Variants in ANGPTL7 observed in about 807,000 individuals in gnomAD.
ANGPTL7 encodes the protein angiopoietin-related protein 7.
In ANGPTL7, 37 loss-of-function variants were observed where a neutral mutation model predicts 38.8. The ratio of observed to expected loss-of-function variants is 0.95; its 90% CI spans 0.73 to 1.25. The LOEUF is 1.25. Among genes scored for constraint, ANGPTL7 ranks in the 50% most tolerant of loss-of-function variants. The pLI is 0.00. For synonymous variants in ANGPTL7, 166 were observed against 163.2 expected, an observed-to-expected ratio of 1.02 and a Z score of -0.13; for missense variants, 427 against 438.6, an observed-to-expected ratio of 0.97 and a Z score of 0.24.
chr1:11,190,445 C>G (rs561183721), intron 1 of ANGPTL7, among the ~76,000 whole-genome samples: 8 of 152,308 alleles, frequency 5.3e-5, no homozygotes, highest in African/African-American at 1.7e-4. Flanking sequence ...AAACGTAACT[C>G]TTCTCATTGG....
At position 11,189,392 on chromosome 1, in the gene ANGPTL7, C is replaced by T. The variant is rs1645431838; in HGVS notation, c.-188C>T. 1.4e-6 allele frequency: 1 copy of T among 708,826 alleles called. No individual in the cohort carries two copies. Among genetic ancestry groups the T allele is most frequent in the Admixed American group, 2.7e-5 (1 of 36,886 alleles). The allele number at this position is 708,826 out of a possible 1,614,324, so 43.9% of individuals were successfully genotyped here. A position where few individuals can be genotyped will look rare whatever the true frequency, so the allele number is the denominator to read the frequency against. On this transcript the variant is annotated 5_prime_UTR_variant, in exon 1 of 5. Transcript: ENST00000376819. ...AAAGCTATAGGCTACCCATTCAGCT[C>T]CCCTGTCAGAGACTCAAGCTTTGAG...
In ANGPTL7 at chr1:11,189,597, C is replaced by G; in HGVS notation, c.18C>G (p.Leu6=). 6.2e-7 allele frequency: 1 copy of G among 1,609,432 alleles called. No homozygotes were observed. The highest frequency in any genetic ancestry group is 8.5e-7 in the Non-Finnish European group (1 of 1,177,736). ...CACAAAAGATGCTGAAAAAGCCTCT[C>G]TCAGCTGTGACCTGGCTCTGCATTT... MLKKP[L]SAVTWLCIFI... is the part of the protein sequence containing the mutation. The change falls in exon 1 of 5, where the codon CTC becomes CTG. Residue 6 remains leucine (L), a synonymous_variant. Coordinates refer to ENST00000376819, the MANE Select transcript of ANGPTL7 (RefSeq NM_021146.4).
rs1424685117 is a variant in ANGPTL7 at position 11,189,518 on chromosome 1, C to A, written c.-62C>A. On this transcript the variant is annotated 5_prime_UTR_variant, in exon 1 of 5. Coordinates refer to ENST00000376819, the MANE Select transcript of ANGPTL7 (RefSeq NM_021146.4). ...GTCAGCCTGCTGCAGCTTTGCAGAC[C>A]TCAGCTGGGCATCTCCAGACTCCCC... 1 of 1,522,420 alleles carries A rather than the reference C, an allele frequency of 6.6e-7. No individual in the cohort carries two copies. The highest frequency in any genetic ancestry group is 2.3e-5 in the East Asian group (1 of 44,250). 94.3% of individuals were successfully genotyped at this position (1,522,420 alleles called of 1,614,324 possible).
chr1:11,189,749 C>T lies in ANGPTL7; in HGVS notation c.170C>T (p.Ala57Val). Residue 57 changes from alanine (A) to valine (V), a missense_variant, in exon 1 of 5, where the codon GCC becomes GTC. By Grantham distance (64) the Ala-to-Val change is moderately conservative (BLOSUM62 0). Transcript: ENST00000376819. ...GTGAAGGAGCTCAAGGCCCAAGTTG[C>T]CAACCTTAGCAGCCTGCTGAGTGAA... is the stretch of plus-strand genomic sequence containing the variant. ...EEVKELKAQVANLSSLLSELN... is the reference protein window; with the variant it reads ...EEVKELKAQVVNLSSLLSELN... The T allele has an allele frequency of 6.2e-7, 1 of 1,614,126 alleles. No individual in the cohort carries two copies.
At chr1:11,190,330 T>A (rs370087016) in intron 1 of ANGPTL7, among the ~76,000 whole-genome samples, 38 of 152,322 alleles carry the variant, frequency 2.5e-4, no homozygotes, top group Middle Eastern at 3.4e-3. Context: ...CACCAAACTG[T>A]AACAGCTGTT....
At chr1:11,190,087 T>C (rs947482341) in intron 1 of ANGPTL7, 132 bp downstream of exon 1, 3 of 1,084,302 alleles carry the variant, frequency 2.8e-6, no homozygotes, top group Non-Finnish European at 2.6e-6. Flanking sequence ...TAAAGGCTTA[T>C]GCAGTATTTC....
Position 11,194,496 on chromosome 1 carries a change from C to T in ANGPTL7, c.708C>T (p.Ser236=). Residue 236 remains serine, a synonymous_variant, in exon 4 of 5, where the codon AGC becomes AGT. Transcript: ENST00000376819. The part of the protein sequence containing the change: ...WEGNLRYAEY[S]HFVLGNELNS... The stretch of plus-strand genomic sequence containing the variant: ...GCAACCTGCGCTACGCTGAGTATAG[C>T]CACTTTGTTTTGGGCAATGAACTCA... 1.9e-6 allele frequency: 3 copies of T among 1,614,170 alleles called. No homozygotes were observed. The highest frequency in any genetic ancestry group is 2.5e-6 in the Non-Finnish European group (3 of 1,180,030).
At chr1:11,192,748 T>TA (rs56996673) in intron 2 of ANGPTL7, among the ~76,000 whole-genome samples, 1,837 of 119,212 alleles carry the variant, frequency 0.015, 32 homozygotes, top group African/African-American at 0.037. Flanking sequence ...CCATTTCAAT[T>TA]AAAAAAAAAA....
Position 11,189,557 on chromosome 1 carries a change from T to C in ANGPTL7, c.-23T>C. ...TCCAGACTCCCCTGAAGGAAGAGCC[T>C]TCCTCACCCAAACCCACAAAAGATG... On this transcript the variant is annotated 5_prime_UTR_variant, in exon 1 of 5. Transcript: ENST00000376819. The C allele has an allele frequency of 1.9e-6, 3 of 1,568,134 alleles. No homozygotes were observed. Among genetic ancestry groups the C allele is most frequent in the Non-Finnish European group, 2.6e-6 (3 of 1,159,148 alleles).
rs757447081 is a variant in ANGPTL7, at chr1:11,194,653, C to T, written c.865C>T (p.Arg289Cys). 4.3e-5 allele frequency: 70 copies of T among 1,614,034 alleles called. No individual in the cohort carries two copies. The highest frequency in any genetic ancestry group is 5.0e-5 in the Non-Finnish European group (59 of 1,180,040). The change falls in exon 4 of 5, where the codon CGC becomes TGC. Residue 289 changes from arginine to cysteine, a missense_variant. Transcript: ENST00000376819. ...CTGCTTGGACAAGTGTGCACAGCTC[C>T]GCAAAGGTGAGATTTGGGGGGACCG... ...DNCLDKCAQL[R>C]KGGYWYNCCT...
chr1:11,193,814 C>A (rs1321276209), intron 3 of ANGPTL7, 40 bp downstream of exon 3: 1 of 1,602,758 alleles, frequency 6.2e-7, no homozygotes, highest in South Asian at 1.1e-5. Context: ...GGACCAGTGC[C>A]ACCACACATG....
intron 3 of ANGPTL7, 54 bp from the exon 4 acceptor site, chr1:11,194,405 GAC>G: frequency 6.5e-7 from 1 of 1,547,110 alleles, no homozygotes; most frequent in Non-Finnish European, 8.9e-7. Context: ...GGGGTATAGA[GAC>G]AGCATGAAAT....
intron 3 of ANGPTL7, 144 bp downstream of exon 3, chr1:11,193,918 T>C (rs1206038465): frequency 3.1e-6 from 3 of 977,520 alleles, no homozygotes; most frequent in Non-Finnish European, 4.4e-6. Flanking sequence ...GTAATGGAGT[T>C]GAGGAAAAAT....
chr1:11,194,962 G>C lies in ANGPTL7; in HGVS notation c.980G>C (p.Gly327Ala), dbSNP rs1446667305. 4 of 1,613,954 alleles carry C rather than the reference G, an allele frequency of 2.5e-6. No individual in the cohort carries two copies. Among genetic ancestry groups the C allele is most frequent in the Admixed American group, 1.7e-5 (1 of 59,994 alleles). ...GGCATCACCTGGTATGGCTGGCATG[G>C]ATCTACCTACTCCCTCAAACGGGTG... is the stretch of plus-strand genomic sequence containing the variant. ...LDGITWYGWH[G>A]STYSLKRVEM... Residue 327 changes from glycine (G) to alanine (A), a missense_variant, in exon 5 of 5, where the codon GGA becomes GCA. By Grantham distance (60) the Gly-to-Ala change is moderately conservative. Coordinates refer to ENST00000376819, the MANE Select transcript of ANGPTL7 (RefSeq NM_021146.4).
intron 2 of ANGPTL7, among the ~76,000 whole-genome samples, 186 bp from the exon 3 acceptor site, chr1:11,193,394 G>T (rs1353311580): frequency 1.3e-5 from 2 of 152,124 alleles, no homozygotes; most frequent in Non-Finnish European, 2.9e-5. Flanking sequence ...TTCTTCCAGA[G>T]CAATGCACCA....
intron 2 of ANGPTL7, among the ~76,000 whole-genome samples, chr1:11,192,599 T>C (rs879868647): frequency 2.0e-5 from 3 of 151,454 alleles, no homozygotes; most frequent in Admixed American, 2.0e-4. Flanking sequence ...CTACTAAAAA[T>C]ACAAAAAAAT....
Position 11,189,997 on chromosome 1 carries a change from C to T in ANGPTL7, c.376+42C>T, listed in dbSNP as rs530619225. ...CCTGAGGGAGCGTGGAGTGCCTCCC[C>T]ATCTACAGCACTGCTTCTACATATC... On this transcript the variant is annotated intron_variant, in intron 1 of 4. Transcript: ENST00000376819. 308 of 1,563,790 alleles carry T rather than the reference C, an allele frequency of 2.0e-4. 4 individuals carry two copies. The South Asian group carries it at 3.4e-3, about 17-fold the overall frequency.
rs1371941343 is a variant in ANGPTL7, at chr1:11,194,496, C to A, written c.708C>A (p.Ser236Arg). 3.7e-6 allele frequency: 6 copies of A among 1,614,170 alleles called. No homozygotes were observed. The East Asian group carries it at 1.1e-4, about 30-fold the overall frequency. Reference sequence around the variant, plus strand: ...GCAACCTGCGCTACGCTGAGTATAGCCACTTTGTTTTGGGCAATGAACTCA... The same window carrying A: ...GCAACCTGCGCTACGCTGAGTATAGACACTTTGTTTTGGGCAATGAACTCA... ...WEGNLRYAEY[S>R]HFVLGNELNS... is the part of the protein sequence containing the mutation. The change falls in exon 4 of 5, where the codon AGC (serine) becomes AGA (arginine). Residue 236 changes from serine (S) to arginine (R), a missense_variant. By Grantham distance (110) the Ser-to-Arg change is moderately radical. Transcript: ENST00000376819.
chr1:11,194,340 T>C, intron 3 of ANGPTL7, 121 bp from the exon 4 acceptor site: 1 of 920,488 alleles, frequency 1.1e-6, no homozygotes, highest in Non-Finnish European at 1.7e-6. Context: ...TAATAAAGTC[T>C]TATTAGATTC....
Sources: gnomAD v4.1 joint callset for allele counts (sites outside exome capture counted in the v4.1 genomes callset) on GRCh38, gnomAD v4.1.1 for gene constraint, MANE v1.5 for transcripts, NCBI Gene and HGNC (gene_info 2026-07-23, HGNC 2026-07-21) for gene names.